The following EYS variants were observed in gnomAD, a reference collection of about 807,000 sequenced individuals.
The protein encoded by EYS is protein eyes shut homolog.
A neutral mutation model predicts 282.1 loss-of-function variants in EYS; 250 were observed. The ratio of observed to expected loss-of-function variants is 0.89; its 90% CI spans 0.80 to 0.98. The LOEUF (loss-of-function observed/expected upper bound fraction) is 0.98, where lower values mean the gene tolerates loss of function less well. EYS is among the 50% of genes least tolerant of loss of function. The pLI is 0.00. For missense variants in EYS, 4,016 were observed against 3,709.0 expected, an observed-to-expected ratio of 1.08 and a Z score of -2.15; for synonymous variants, 1,355 against 1,282.9, an observed-to-expected ratio of 1.06 and a Z score of -1.20.
chr6:65,205,972 A>G (rs577378682), intron 12 of EYS, among the ~76,000 whole-genome samples: 55 of 152,046 alleles, frequency 3.6e-4, no homozygotes, highest in East Asian at 2.5e-3. Context: ...GTCACATCTC[A>G]AGGAACTAGA....
intron 31 of EYS, among the ~76,000 whole-genome samples, chr6:64,225,820 T>C (rs189005019): frequency 6.6e-6 from 1 of 152,240 alleles, no homozygotes; most frequent in East Asian, 1.9e-4. Flanking sequence ...ACCTCTGACT[T>C]CAAAAATGAA....
At chr6:65,096,532 G>A (rs1048324044) in intron 12 of EYS, among the ~76,000 whole-genome samples, 3 of 150,752 alleles carry the variant, frequency 2.0e-5, no homozygotes, top group African/African-American at 7.3e-5. Flanking sequence ...AACCCTCATA[G>A]ATGAAACAAT....
intron 26 of EYS, among the ~76,000 whole-genome samples, chr6:64,556,536 T>A (rs1222024530): frequency 6.6e-6 from 1 of 152,132 alleles, no homozygotes; most frequent in Non-Finnish European, 1.5e-5. Context: ...AATGGACATA[T>A]TCTATATTTT....
intron 2 of EYS, among the ~76,000 whole-genome samples, chr6:65,618,112 C>A (rs575951856): frequency 6.6e-6 from 1 of 152,096 alleles, no homozygotes; most frequent in Admixed American, 6.6e-5. Flanking sequence ...GTTCTAGATC[C>A]CTGAGGAATT....
intron 22 of EYS, among the ~76,000 whole-genome samples, chr6:64,763,557 G>T (rs1773228362): frequency 6.6e-6 from 1 of 151,880 alleles, no homozygotes; most frequent in South Asian, 2.1e-4. Context: ...AGATTTTGGT[G>T]GGCACACAGA....
chr6:64,167,187 G>A (rs76683441), intron 31 of EYS, among the ~76,000 whole-genome samples: 16,967 of 152,022 alleles, frequency 0.11, 1,829 homozygotes, highest in African/African-American at 0.29. Context: ...CCAAATAAGA[G>A]AATCATACCG....
At chr6:64,870,216 C>T (rs1766549291) in intron 19 of EYS, among the ~76,000 whole-genome samples, 2 of 151,380 alleles carry the variant, frequency 1.3e-5, no homozygotes, top group Non-Finnish European at 3.0e-5. Flanking sequence ...GCATACACCC[C>T]AAATCTTACA....
chr6:65,388,434 T>C (rs1486571552), intron 7 of EYS, among the ~76,000 whole-genome samples: 1 of 152,012 alleles, frequency 6.6e-6, no homozygotes, highest in Non-Finnish European at 1.5e-5. Context: ...AGAAGAGGTA[T>C]TTCAAGGCTG....
At chr6:65,048,876 C>G (rs1278423768) in intron 13 of EYS, among the ~76,000 whole-genome samples, 1 of 151,702 alleles carries the variant, frequency 6.6e-6, no homozygotes, top group East Asian at 1.9e-4. Flanking sequence ...TGAAATTATC[C>G]AATTACCTAA....
chr6:63,966,816 C>T (rs1582046822), intron 35 of EYS, among the ~76,000 whole-genome samples: 1 of 152,234 alleles, frequency 6.6e-6, no homozygotes, highest in South Asian at 2.1e-4. Flanking sequence ...ATGATGTTAG[C>T]TATTTTTTTA....
chr6:64,233,030 C>T (rs1298938331), intron 30 of EYS, among the ~76,000 whole-genome samples: 2 of 152,106 alleles, frequency 1.3e-5, no homozygotes, highest in Non-Finnish European at 2.9e-5. Flanking sequence ...CCATTTCTAA[C>T]ATTTGCCATG....
At chr6:65,321,870 T>C (rs1769485396) in intron 11 of EYS, among the ~76,000 whole-genome samples, 1 of 152,154 alleles carries the variant, frequency 6.6e-6, no homozygotes, top group African/African-American at 2.4e-5. Flanking sequence ...GATGGAAAGT[T>C]AGTGAAGGAG....
intron 8 of EYS, among the ~76,000 whole-genome samples, chr6:65,376,919 A>G (rs1306724816): frequency 6.6e-6 from 1 of 152,208 alleles, no homozygotes; most frequent in Non-Finnish European, 1.5e-5. Flanking sequence ...CCTCACAGTA[A>G]TAGTGGGAGA....
At chr6:65,649,996 A>G (rs1767594984) in intron 1 of EYS, among the ~76,000 whole-genome samples, 1 of 152,244 alleles carries the variant, frequency 6.6e-6, no homozygotes, top group African/African-American at 2.4e-5. Flanking sequence ...CTAGCATTAA[A>G]TGTATTAAAA....
intron 29 of EYS, among the ~76,000 whole-genome samples, chr6:64,371,292 G>C (rs683373): frequency 0.63 from 93,759 of 149,520 alleles, 30,047 homozygotes; most frequent in South Asian, 0.71. Flanking sequence ...TTCAGGAGCA[G>C]GTTGTTTGAT....
intron 32 of EYS, among the ~76,000 whole-genome samples, chr6:64,076,249 TA>T (rs1246783710): frequency 1.3e-5 from 2 of 151,974 alleles, no homozygotes; most frequent in Non-Finnish European, 2.9e-5. Context: ...GATAATTTCC[TA>T]AAGATTCAAT....
chr6:64,680,532 T>G (rs988553973), intron 22 of EYS, among the ~76,000 whole-genome samples: 1 of 152,116 alleles, frequency 6.6e-6, no homozygotes, highest in African/African-American at 2.4e-5. Context: ...CAACTCCCAA[T>G]CAACAGATAT....
At chr6:65,138,054 T>C (rs1279085408) in intron 12 of EYS, among the ~76,000 whole-genome samples, 1 of 151,940 alleles carries the variant, frequency 6.6e-6, no homozygotes, top group Non-Finnish European at 1.5e-5. Context: ...GATGAACCAC[T>C]GAAAAAGACT....
chr6:64,317,832 T>C (rs1484427377), intron 29 of EYS, among the ~76,000 whole-genome samples: 2 of 152,098 alleles, frequency 1.3e-5, no homozygotes, highest in East Asian at 1.9e-4. Flanking sequence ...ATATAAACCA[T>C]GGAATACTAT....
Sources: allele counts gnomAD v4.1 joint callset (sites outside exome capture counted in the v4.1 genomes callset), GRCh38; gene constraint gnomAD v4.1.1; transcripts MANE v1.5; gene names NCBI Gene and HGNC (gene_info 2026-07-23, HGNC 2026-07-21).